Variants in ENTHD1 observed in about 807,000 individuals in gnomAD.
ENTHD1 encodes ENTH domain-containing protein 1.
Under a neutral mutation model 39.1 loss-of-function variants are expected in ENTHD1, and 23 were observed. That is an observed-to-expected ratio of 0.59 (90% CI 0.42 to 0.83). The LOEUF is 0.83. Among genes scored for constraint, ENTHD1 ranks in the 40% least tolerant of loss-of-function variants. The pLI, the probability that ENTHD1 is intolerant of heterozygous loss-of-function variation, is 0.00. For synonymous variants in ENTHD1, 230 were observed against 258.2 expected (o/e 0.89, Z 1.05); for missense variants, 624 against 705.4 (o/e 0.88, Z 1.31).
At chr22:39,784,721 T>G (rs2146591193) in intron 5 of ENTHD1, among the ~76,000 whole-genome samples, 1 of 152,116 alleles carries the variant, frequency 6.6e-6, no homozygotes, top group East Asian at 1.9e-4. Flanking sequence ...ATGTGGGAAC[T>G]AAAAAAGTGG....
At chr22:39,890,669 A>T (rs1330446806) in intron 1 of ENTHD1, among the ~76,000 whole-genome samples, 1 of 152,236 alleles carries the variant, frequency 6.6e-6, no homozygotes, top group Non-Finnish European at 1.5e-5. Flanking sequence ...AACCCAGAAA[A>T]ATATCAAAAT....
At chr22:39,820,342 A>G (rs905019636) in intron 5 of ENTHD1, among the ~76,000 whole-genome samples, 1 of 152,214 alleles carries the variant, frequency 6.6e-6, no homozygotes, top group African/African-American at 2.4e-5. Context: ...TTATAAGGTG[A>G]TGAAAGATAC....
chr22:39,883,024 A>G (rs1363814762), intron 2 of ENTHD1, among the ~76,000 whole-genome samples: 1 of 147,870 alleles, frequency 6.8e-6, no homozygotes, highest in Non-Finnish European at 1.5e-5. Context: ...AAAAAAAAAA[A>G]GAAAGAAAGA....
At chr22:39,890,451 C>T (rs1418790490) in intron 1 of ENTHD1, among the ~76,000 whole-genome samples, 1 of 151,924 alleles carries the variant, frequency 6.6e-6, no homozygotes, top group African/African-American at 2.4e-5. Context: ...CAACAAATAT[C>T]GATCTGTTTC....
chr22:39,877,216 T>C (rs777627911), intron 2 of ENTHD1, among the ~76,000 whole-genome samples: 17 of 152,156 alleles, frequency 1.1e-4, no homozygotes, highest in Non-Finnish European at 2.1e-4. Context: ...ACCCAAGACC[T>C]TCAAATTAGT....
At position 39,828,743 on chromosome 22, in the gene ENTHD1, T is replaced by A. The variant is rs12628572; in HGVS notation, c.711+7097A>T. On this transcript the variant is annotated intron_variant, in intron 4 of 6. Transcript: ENST00000325157. ...AAAAGAGTAAGGTCTTTTGAGGTGA[T>A]GAAAAGCTGCAAATAGCCTTATTCA... Among the ~76,000 whole-genome samples the A allele has an allele frequency of 1.0e-3, 152 of 152,312 alleles. 1 individual carries two copies. The East Asian group carries it at 0.024, about 24-fold the overall frequency.
intron 3 of ENTHD1, among the ~76,000 whole-genome samples, chr22:39,839,074 C>A (rs895271483): frequency 6.6e-6 from 1 of 151,710 alleles, no homozygotes; most frequent in East Asian, 1.9e-4. Flanking sequence ...ATATTTACAA[C>A]GTGCCAGAAT....
intron 5 of ENTHD1, among the ~76,000 whole-genome samples, chr22:39,800,000 T>C (rs1277720923): frequency 6.6e-6 from 1 of 152,190 alleles, no homozygotes; most frequent in Non-Finnish European, 1.5e-5. Flanking sequence ...TGCTTAGGAC[T>C]TAGGGAATAT....
At chr22:39,889,923 C>T (rs145804773) in intron 1 of ENTHD1, among the ~76,000 whole-genome samples, 36 of 151,834 alleles carry the variant, frequency 2.4e-4, no homozygotes, top group African/African-American at 8.7e-4. Flanking sequence ...ATGGTGAAAC[C>T]CTATCTCTAC....
intron 4 of ENTHD1, among the ~76,000 whole-genome samples, chr22:39,835,154 G>A (rs1415928594): frequency 6.6e-6 from 1 of 152,080 alleles, no homozygotes; most frequent in Non-Finnish European, 1.5e-5. Flanking sequence ...AATAAGGGCT[G>A]CAATCCAGTT....
intron 5 of ENTHD1, among the ~76,000 whole-genome samples, chr22:39,777,893 C>T (rs17001459): frequency 0.013 from 1,956 of 152,224 alleles, 45 homozygotes; most frequent in African/African-American, 0.045. Flanking sequence ...CCTGTCTTTC[C>T]GCTAGTGAGA....
chr22:39,868,365 A>G (rs1048015579), intron 2 of ENTHD1, among the ~76,000 whole-genome samples: 1 of 151,558 alleles, frequency 6.6e-6, no homozygotes, highest in Non-Finnish European at 1.5e-5. Context: ...AAAAAAAAAA[A>G]AAGGAAGGAA....
intron 6 of ENTHD1, among the ~76,000 whole-genome samples, chr22:39,760,366 TG>T (rs2065222953): frequency 6.6e-6 from 1 of 152,040 alleles, no homozygotes; most frequent in Non-Finnish European, 1.5e-5. Context: ...TTTTGGCCTA[TG>T]TATCAATATG....
intron 4 of ENTHD1, among the ~76,000 whole-genome samples, chr22:39,827,975 T>C (rs1309962484): frequency 1.3e-5 from 2 of 152,202 alleles, no homozygotes; most frequent in Non-Finnish European, 2.9e-5. Context: ...CACAGCAATA[T>C]GTACTGATAT....
chr22:39,824,796 G>A (rs548393809), intron 4 of ENTHD1, among the ~76,000 whole-genome samples: 3 of 152,180 alleles, frequency 2.0e-5, no homozygotes, highest in Non-Finnish European at 2.9e-5. Flanking sequence ...CACCAATACC[G>A]CACTCTCTTG....
chr22:39,794,761 G>A (rs565170121), intron 5 of ENTHD1, among the ~76,000 whole-genome samples: 1 of 149,722 alleles, frequency 6.7e-6, no homozygotes, highest in Non-Finnish European at 1.5e-5. Flanking sequence ...CCAAGATCGT[G>A]CCACTGCACT....
intron 5 of ENTHD1, among the ~76,000 whole-genome samples, chr22:39,805,699 A>C (rs1056357879): frequency 2.0e-5 from 3 of 152,190 alleles, no homozygotes; most frequent in African/African-American, 7.2e-5. Context: ...AGCAAGAGGG[A>C]GAAAACAGGA....
At chr22:39,862,900 T>TAA (rs1352703914) in intron 2 of ENTHD1, among the ~76,000 whole-genome samples, 1 of 152,168 alleles carries the variant, frequency 6.6e-6, no homozygotes, top group Non-Finnish European at 1.5e-5. Context: ...GTGAACAGAC[T>TAA]AAAGGTCCTT....
intron 5 of ENTHD1, among the ~76,000 whole-genome samples, chr22:39,766,660 T>C (rs2146560904): frequency 6.6e-6 from 1 of 152,336 alleles, no homozygotes; most frequent in African/African-American, 2.4e-5. Flanking sequence ...TCACAATGTA[T>C]GTCATAAAAT....
Sources: allele counts gnomAD v4.1 joint callset (sites outside exome capture counted in the v4.1 genomes callset), GRCh38; gene constraint gnomAD v4.1.1; transcripts MANE v1.5; gene names NCBI Gene and HGNC (gene_info 2026-07-23, HGNC 2026-07-21).